The following IKZF3 variants were observed in gnomAD, a reference collection of about 807,000 sequenced individuals.
IKZF3 encodes the protein zinc finger protein Aiolos.
IKZF3 carries 10 observed loss-of-function variants against 49.0 expected under a neutral mutation model. The observed-to-expected ratio is 0.20, with a 90% CI of 0.13 to 0.35. The LOEUF (loss-of-function observed/expected upper bound fraction) is 0.35, where lower values mean the gene tolerates loss of function less well. IKZF3 is among the 10% of genes least tolerant of loss of function. The probability of loss-of-function intolerance (pLI) is 1.00; values close to 1 mark genes in which losing one functional copy is unlikely to be tolerated. For missense variants in IKZF3, 498 were observed against 664.8 expected (o/e 0.75, Z 2.76); for synonymous variants, 209 against 228.2 (o/e 0.92, Z 0.76).
At position 39,855,602 on chromosome 17, in the gene IKZF3, T is replaced by G. The variant is rs142007883; in HGVS notation, c.7+8518A>C. ...GAGATGTGCATACTATGCTATTGGC[T>G]TGGCACACTTAGAAGCTGTTACTTG... is the stretch of plus-strand genomic sequence containing the variant. On this transcript the variant is annotated intron_variant, in intron 1 of 7. Transcript: ENST00000346872. Among the ~76,000 whole-genome samples, 363 of 152,350 alleles carry G rather than the reference T, an allele frequency of 2.4e-3. 1 individual carries two copies. Among genetic ancestry groups the G allele is most frequent in the African/African-American group, 8.4e-3 (351 of 41,574 alleles).
intron 1 of IKZF3, among the ~76,000 whole-genome samples, chr17:39,841,954 G>A (rs1450403991): frequency 7.0e-6 from 1 of 143,078 alleles, no homozygotes; most frequent in Non-Finnish European, 1.5e-5. Flanking sequence ...GCTGAAGCAG[G>A]AGAATCACTT....
In IKZF3 at chr17:39,832,153, T is replaced by C. The variant is rs1476860873; in HGVS notation, c.8-2A>G. The C allele has an allele frequency of 6.2e-7, 1 of 1,610,246 alleles. No homozygotes were observed. Among genetic ancestry groups the C allele is most frequent in the Non-Finnish European group, 8.5e-7 (1 of 1,176,820 alleles). ...TCAGTTCCGCATTTGTTTGTATATCTGAAAAGAAAGAGGTTATAAATATTA... is the reference window on the plus strand; with the variant it reads ...TCAGTTCCGCATTTGTTTGTATATCCGAAAAGAAAGAGGTTATAAATATTA... On this transcript the variant is annotated splice_acceptor_variant, in intron 1 of 7. Transcript: ENST00000346872. LOFTEE classifies it high-confidence loss of function.
intron 3 of IKZF3, among the ~76,000 whole-genome samples, chr17:39,819,193 T>C (rs1047161144): frequency 2.9e-4 from 44 of 151,894 alleles, no homozygotes; most frequent in African/African-American, 1.0e-3. Context: ...ATTTAATCTG[T>C]TTTTTTTACC....
chr17:39,765,804 C>T lies in IKZF3; in HGVS notation c.1516G>A (p.Ala506Thr), dbSNP rs749495184. 39 of 1,602,996 alleles carry T rather than the reference C, an allele frequency of 2.4e-5. No homozygotes were observed. The highest frequency in any genetic ancestry group is 1.2e-4 in the Admixed American group (7 of 59,612). ...AGACCAGATATTCACTTCAGCAGGG[C>T]TCTGTGTTCTCCTCTGGCTATGTGA... ...SSHIARGEHR[A>T]LLK Residue 506 changes from alanine (A) to threonine (T), a missense_variant, in exon 8 of 8, where the codon GCC becomes ACC. Physicochemically the swap from Ala to Thr is moderately conservative, Grantham distance 58. Transcript: ENST00000346872.
At chr17:39,786,402 T>C (rs936654560) in intron 6 of IKZF3, among the ~76,000 whole-genome samples, 3 of 152,158 alleles carry the variant, frequency 2.0e-5, no homozygotes, top group African/African-American at 7.2e-5. Flanking sequence ...TGGAATATGA[T>C]AGATTTCATA....
intron 3 of IKZF3, among the ~76,000 whole-genome samples, chr17:39,795,943 G>A (rs754881281): frequency 1.3e-5 from 2 of 151,910 alleles, no homozygotes; most frequent in Non-Finnish European, 2.9e-5. Context: ...TGGGGAGGCT[G>A]AGGCAGGATA....
chr17:39,834,690 T>G lies in IKZF3; in HGVS notation c.8-2539A>C, dbSNP rs528497973. Among the ~76,000 whole-genome samples, 132 of 152,264 alleles carry G rather than the reference T, an allele frequency of 8.7e-4. 1 individual carries two copies. The highest frequency in any genetic ancestry group is 2.9e-3 in the African/African-American group (122 of 41,550). On this transcript the variant is annotated intron_variant, in intron 1 of 7. Coordinates refer to ENST00000346872, the MANE Select transcript of IKZF3 (RefSeq NM_012481.5). ...TAGTTGAGACATATGTATGTTCTGG[T>G]TTTTGTTGGTTTTCTTTGTTTGTTT... is the stretch of plus-strand genomic sequence containing the variant.
At chr17:39,859,502 C>T (rs981823713) in intron 1 of IKZF3, among the ~76,000 whole-genome samples, 3 of 151,916 alleles carry the variant, frequency 2.0e-5, no homozygotes, top group African/African-American at 7.3e-5. Context: ...CATCTTCCTA[C>T]CTCAGCCTTC....
chr17:39,791,003 T>A (rs1300590751), intron 5 of IKZF3, among the ~76,000 whole-genome samples: 1 of 152,130 alleles, frequency 6.6e-6, no homozygotes, highest in African/African-American at 2.4e-5. Context: ...CAGATCACAG[T>A]TTTTCATAAT....
chr17:39,779,541 T>C lies in IKZF3; in HGVS notation c.710-1774A>G, dbSNP rs559643302. ...ATACAAGGCTTGACATTTTAACACA[T>C]GATGCTAGCCTGAACCAGGGATCAG... is the stretch of plus-strand genomic sequence containing the variant. On this transcript the variant is annotated intron_variant, in intron 6 of 7. Coordinates refer to ENST00000346872, the MANE Select transcript of IKZF3 (RefSeq NM_012481.5). Among the ~76,000 whole-genome samples, 29 of 152,132 alleles carry C rather than the reference T, an allele frequency of 1.9e-4. No individual in the cohort carries two copies. The East Asian group carries it at 2.7e-3, about 14-fold the overall frequency.
chr17:39,841,394 C>G (rs2062461758), intron 1 of IKZF3, among the ~76,000 whole-genome samples: 1 of 151,966 alleles, frequency 6.6e-6, no homozygotes, highest in Non-Finnish European at 1.5e-5. Context: ...AGGAGTAGTC[C>G]AGTGCAAAGT....
chr17:39,797,092 G>C (rs1444327549), intron 3 of IKZF3, among the ~76,000 whole-genome samples: 3 of 151,602 alleles, frequency 2.0e-5, no homozygotes, highest in Admixed American at 6.5e-5. Context: ...TTGAACCTGG[G>C]AAGTGGAGGT....
At chr17:39,819,365 A>C (rs571108342) in intron 3 of IKZF3, among the ~76,000 whole-genome samples, 5 of 152,332 alleles carry the variant, frequency 3.3e-5, no homozygotes, top group African/African-American at 4.8e-5. Context: ...GTAACTCAGA[A>C]AAAAAACAAG....
At chr17:39,819,839 AT>A (rs1244246781) in intron 3 of IKZF3, among the ~76,000 whole-genome samples, 69 of 149,830 alleles carry the variant, frequency 4.6e-4, no homozygotes, top group Middle Eastern at 3.5e-3. Context: ...TTAAAAAAAA[AT>A]TTTTTTTTTG....
chr17:39,764,082 T>C lies in IKZF3; in HGVS notation c.*1708A>G, dbSNP rs1187530780. On this transcript the variant is annotated 3_prime_UTR_variant, in exon 8 of 8. Transcript: ENST00000346872. The stretch of plus-strand genomic sequence containing the variant: ...GTGGGTCAGGCTGGTCTCGAACTCC[T>C]GACCTCAAATGATGCGCCTGCCTCG... 6.6e-6 allele frequency: 1 copy of C among 152,206 alleles called. No individual in the cohort carries two copies. Among genetic ancestry groups the C allele is most frequent in the Non-Finnish European group, 1.5e-5 (1 of 68,062 alleles). 9.4% of individuals were successfully genotyped at this position (152,206 alleles called of 1,614,324 possible).
At chr17:39,773,937 C>T (rs1257296881) in intron 7 of IKZF3, among the ~76,000 whole-genome samples, 3 of 72,560 alleles carry the variant, frequency 4.1e-5, no homozygotes, top group East Asian at 4.3e-4. Flanking sequence ...TCCTGATGGA[C>T]GTGTGTCCAT....
intron 1 of IKZF3, among the ~76,000 whole-genome samples, chr17:39,855,985 AT>A (rs2063031966): frequency 1.3e-5 from 2 of 151,134 alleles, no homozygotes; most frequent in African/African-American, 4.9e-5. Context: ...ACAATATAAC[AT>A]GTATATTGTA....
At chr17:39,774,447 C>T (rs999349884) in intron 7 of IKZF3, among the ~76,000 whole-genome samples, 8 of 151,950 alleles carry the variant, frequency 5.3e-5, no homozygotes, top group South Asian at 2.1e-4. Context: ...CGAGGCAAGG[C>T]GAGGGGAGAT....
intron 6 of IKZF3, among the ~76,000 whole-genome samples, chr17:39,779,627 T>A (rs569766284): frequency 6.6e-6 from 1 of 150,770 alleles, no homozygotes; most frequent in Admixed American, 6.6e-5. Context: ...ACACATATAG[T>A]CTCTATGTTA....
Sources: allele counts gnomAD v4.1 joint callset (sites outside exome capture counted in the v4.1 genomes callset), GRCh38; gene constraint gnomAD v4.1.1; transcripts MANE v1.5; gene names NCBI Gene and HGNC (gene_info 2026-07-23, HGNC 2026-07-21).